CACNA2D3: variants seen among roughly 807,000 people sequenced by gnomAD.
CACNA2D3 encodes the protein voltage-dependent calcium channel subunit alpha-2/delta-3.
In CACNA2D3, 60 loss-of-function variants were observed where a neutral mutation model predicts 160.6. The ratio of observed to expected loss-of-function variants is 0.37; its 90% CI spans 0.30 to 0.46. The LOEUF (loss-of-function observed/expected upper bound fraction) is 0.46, where lower values mean the gene tolerates loss of function less well. CACNA2D3 is among the 20% of genes least tolerant of loss of function. The pLI is 1.00. For synonymous variants in CACNA2D3, 558 were observed against 492.9 expected (o/e 1.13, Z -1.75); for missense variants, 1,205 against 1,365.0 (o/e 0.88, Z 1.85).
At position 54,772,366 on chromosome 3, in the gene CACNA2D3, C is replaced by T. The variant is rs138956137; in HGVS notation, c.1380+8015C>T. Reference sequence around the variant, plus strand: ...AAATGACCCGTGAGTATAGTGCTTTCGCTATTAATTATACATTGATCCATA... The same window carrying T: ...AAATGACCCGTGAGTATAGTGCTTTTGCTATTAATTATACATTGATCCATA... On this transcript the variant is annotated intron_variant, in intron 13 of 37. Coordinates refer to ENST00000474759, the MANE Select transcript of CACNA2D3 (RefSeq NM_018398.3). Among the ~76,000 whole-genome samples, 124 of 151,872 alleles carry T rather than the reference C, an allele frequency of 8.2e-4. 1 individual carries two copies. The highest frequency in any genetic ancestry group is 2.6e-3 in the African/African-American group (109 of 41,408).
chr3:55,066,132 G>A (rs1422816221), intron 35 of CACNA2D3, among the ~76,000 whole-genome samples: 2 of 152,186 alleles, frequency 1.3e-5, no homozygotes, highest in South Asian at 2.1e-4. Context: ...GGCAGGGCAG[G>A]TGGGGGATAG....
chr3:54,890,420 C>A (rs547702253), intron 24 of CACNA2D3, among the ~76,000 whole-genome samples: 4 of 144,042 alleles, frequency 2.8e-5, no homozygotes, highest in Non-Finnish European at 4.5e-5. Flanking sequence ...GGCATGAACC[C>A]GGGAGGCGGA....
At chr3:54,989,258 A>G (rs887358010) in intron 31 of CACNA2D3, among the ~76,000 whole-genome samples, 8 of 152,172 alleles carry the variant, frequency 5.3e-5, no homozygotes, top group African/African-American at 1.9e-4. Flanking sequence ...CCTCTTGGAT[A>G]TTCCTTTCAA....
intron 4 of CACNA2D3, among the ~76,000 whole-genome samples, chr3:54,391,336 A>T (rs1414286500): frequency 1.3e-5 from 2 of 152,188 alleles, no homozygotes; most frequent in Non-Finnish European, 1.5e-5. Flanking sequence ...CCCCTCTGTA[A>T]TGTCCTTACT....
intron 2 of CACNA2D3, among the ~76,000 whole-genome samples, chr3:54,124,397 G>A (rs1460840161): frequency 6.6e-6 from 1 of 152,186 alleles, no homozygotes; most frequent in African/African-American, 2.4e-5. Flanking sequence ...AGAGATTAGA[G>A]GGGTTCAAAG....
chr3:54,860,568 A>T (rs1559607510), intron 17 of CACNA2D3, among the ~76,000 whole-genome samples: 1 of 152,220 alleles, frequency 6.6e-6, no homozygotes, highest in Non-Finnish European at 1.5e-5. Context: ...TAAAGGGAAG[A>T]TTCATTTGAG....
chr3:54,869,243 G>T (rs1433133977), intron 17 of CACNA2D3, among the ~76,000 whole-genome samples: 1 of 152,184 alleles, frequency 6.6e-6, no homozygotes. Flanking sequence ...GCTGGTGTTG[G>T]GTGGGGTGTC....
At chr3:54,854,048 C>T (rs148312205) in intron 17 of CACNA2D3, among the ~76,000 whole-genome samples, 21 of 152,272 alleles carry the variant, frequency 1.4e-4, no homozygotes, top group Middle Eastern at 6.8e-3. Flanking sequence ...GCAGAGCCAG[C>T]CCCTGCCAGT....
chr3:54,579,039 AC>A (rs1239697871), intron 8 of CACNA2D3, among the ~76,000 whole-genome samples: 1 of 152,180 alleles, frequency 6.6e-6, no homozygotes, highest in Admixed American at 6.5e-5. Flanking sequence ...GACCCAAGTG[AC>A]CTGACTCCCA....
At chr3:54,237,279 A>G (rs1559891787) in intron 2 of CACNA2D3, among the ~76,000 whole-genome samples, 1 of 152,214 alleles carries the variant, frequency 6.6e-6, no homozygotes, top group Non-Finnish European at 1.5e-5. Context: ...GAAGGGGCTT[A>G]TAAAGTTTGC....
At chr3:54,565,750 G>A (rs1444079742) in intron 6 of CACNA2D3, among the ~76,000 whole-genome samples, 4 of 152,092 alleles carry the variant, frequency 2.6e-5, no homozygotes, top group Non-Finnish European at 4.4e-5. Context: ...CTGATACCCC[G>A]TTTCCAAGGG....
chr3:54,281,826 C>T (rs191813267), intron 2 of CACNA2D3, among the ~76,000 whole-genome samples: 15 of 152,250 alleles, frequency 9.9e-5, no homozygotes, highest in East Asian at 5.8e-4. Flanking sequence ...GTTCAGTCTC[C>T]GTGGGTTTGA....
At chr3:54,622,422 C>T (rs550563881) in intron 9 of CACNA2D3, among the ~76,000 whole-genome samples, 1 of 152,146 alleles carries the variant, frequency 6.6e-6, no homozygotes, top group Non-Finnish European at 1.5e-5. Flanking sequence ...ACTACAGGCG[C>T]CCGCCACCAC....
chr3:54,750,812 C>G (rs915330289), intron 11 of CACNA2D3, among the ~76,000 whole-genome samples: 1 of 151,728 alleles, frequency 6.6e-6, no homozygotes, highest in African/African-American at 2.4e-5. Flanking sequence ...ACTCTATCAC[C>G]AGGCTGGAGT....
chr3:54,547,084 G>A (rs959363042), intron 5 of CACNA2D3, among the ~76,000 whole-genome samples: 2 of 151,986 alleles, frequency 1.3e-5, no homozygotes, highest in Non-Finnish European at 2.9e-5. Flanking sequence ...CATTTAATTT[G>A]GCTTCACTGC....
At chr3:54,239,922 A>G (rs113775841) in intron 2 of CACNA2D3, among the ~76,000 whole-genome samples, 3,032 of 152,356 alleles carry the variant, frequency 0.02, 61 homozygotes, top group African/African-American at 0.054. Context: ...ATCACTTTAC[A>G]CTAGGCTAGA....
intron 11 of CACNA2D3, among the ~76,000 whole-genome samples, chr3:54,717,603 TGTGTGTG>T (rs1454822304): frequency 2.2e-5 from 3 of 139,346 alleles, no homozygotes; most frequent in East Asian, 2.2e-4. Context: ...CATACATTCG[TGTGTGTG>T]GTGTGTGTAG....
intron 27 of CACNA2D3, among the ~76,000 whole-genome samples, chr3:54,938,867 C>A (rs1433308559): frequency 1.3e-5 from 2 of 152,052 alleles, no homozygotes; most frequent in Non-Finnish European, 2.9e-5. Context: ...TGTGGACAAT[C>A]CCCATTAGTG....
chr3:54,248,557 C>T (rs1702127096), intron 2 of CACNA2D3, among the ~76,000 whole-genome samples: 1 of 151,584 alleles, frequency 6.6e-6, no homozygotes, highest in Non-Finnish European at 1.5e-5. Context: ...GACCGATGTC[C>T]TTATAAGAAG....
Sources: allele counts gnomAD v4.1 joint callset (sites outside exome capture counted in the v4.1 genomes callset), GRCh38; gene constraint gnomAD v4.1.1; transcripts MANE v1.5; gene names NCBI Gene and HGNC (gene_info 2026-07-23, HGNC 2026-07-21).